Variants in PARD3B observed in about 807,000 individuals in gnomAD.
The protein encoded by PARD3B is partitioning defective 3 homolog B.
PARD3B carries 103 observed loss-of-function variants against 130.2 expected under a neutral mutation model. That is an observed-to-expected ratio of 0.79 (90% CI 0.67 to 0.93). The LOEUF (loss-of-function observed/expected upper bound fraction) is 0.93, where lower values mean the gene tolerates loss of function less well. PARD3B is among the 40% of genes least tolerant of loss of function. The pLI, the probability that PARD3B is intolerant of heterozygous loss-of-function variation, is 0.00. For missense variants in PARD3B, 1,609 were observed against 1,499.2 expected, an observed-to-expected ratio of 1.07 and a Z score of -1.21; for synonymous variants, 583 against 553.2, an observed-to-expected ratio of 1.05 and a Z score of -0.76.
At chr2:204,782,264 T>TC (rs1176594911) in intron 2 of PARD3B, among the ~76,000 whole-genome samples, 3 of 152,032 alleles carry the variant, frequency 2.0e-5, no homozygotes, top group East Asian at 3.9e-4. Context: ...TGAGAGAATG[T>TC]TTTTTATATC....
At chr2:204,702,032 A>G (rs2037918950) in intron 2 of PARD3B, among the ~76,000 whole-genome samples, 1 of 152,194 alleles carries the variant, frequency 6.6e-6, no homozygotes, top group South Asian at 2.1e-4. Context: ...ACTTAGGATA[A>G]TGGCCTCCAG....
intron 19 of PARD3B, among the ~76,000 whole-genome samples, chr2:205,420,882 G>A (rs2046945473): frequency 6.6e-6 from 1 of 152,126 alleles, no homozygotes; most frequent in Non-Finnish European, 1.5e-5. Flanking sequence ...TGTGGCTCAC[G>A]CTGTAATCCC....
At chr2:204,997,164 C>G (rs188525324) in intron 3 of PARD3B, among the ~76,000 whole-genome samples, 6 of 152,274 alleles carry the variant, frequency 3.9e-5, no homozygotes, top group Middle Eastern at 3.4e-3. Flanking sequence ...TATAATACTC[C>G]GTGATATCTG....
chr2:205,168,754 T>A (rs2034980055), intron 11 of PARD3B, among the ~76,000 whole-genome samples: 2 of 152,090 alleles, frequency 1.3e-5, no homozygotes, highest in Admixed American at 1.3e-4. Context: ...TGATTTTATA[T>A]TGTCTTCCCT....
At chr2:204,779,931 A>C (rs1368863173) in intron 2 of PARD3B, among the ~76,000 whole-genome samples, 7 of 152,202 alleles carry the variant, frequency 4.6e-5, no homozygotes, top group Non-Finnish European at 1.0e-4. Flanking sequence ...GGTAGAGAGG[A>C]AAATGGTGCA....
In PARD3B at chr2:205,269,721, C is replaced by CA. The variant is rs1466247087; in HGVS notation, c.2185+23904dup. ...TAGTAAGAAAATTCACTTGCAAAAA[C>CA]AAAAATTAAGATCTGAAGAGTACTT... On this transcript the variant is annotated intron_variant, in intron 16 of 22. Transcript: ENST00000406610. The surrounding 1 kb of genome is among the most constrained non-coding windows in gnomAD (Gnocchi z 4.7). Among the ~76,000 whole-genome samples the CA allele has an allele frequency of 6.6e-6, 1 of 152,032 alleles. No homozygotes were observed. The highest frequency in any genetic ancestry group is 1.5e-5 in the Non-Finnish European group (1 of 67,972).
chr2:205,035,828 T>TATATATATATATATATATATAGTGGG (rs1559374303), intron 3 of PARD3B, among the ~76,000 whole-genome samples: 3 of 7,976 alleles, frequency 3.8e-4, no homozygotes, highest in African/African-American at 1.2e-3. Flanking sequence ...TATCTATATA[T>TATATATATATATATATATATAGTGGG]CTATATATAT....
chr2:205,185,316 A>G (rs187171466), intron 13 of PARD3B, among the ~76,000 whole-genome samples: 1 of 152,262 alleles, frequency 6.6e-6, no homozygotes, highest in Admixed American at 6.5e-5. Flanking sequence ...GTGGACAGAT[A>G]TACTATATCG....
At chr2:205,548,964 A>C (rs2052498375) in intron 21 of PARD3B, among the ~76,000 whole-genome samples, 1 of 152,142 alleles carries the variant, frequency 6.6e-6, no homozygotes, top group Non-Finnish European at 1.5e-5. Context: ...ACCTCAATGG[A>C]TCCCTCACCA....
At chr2:205,141,407 T>C (rs550935679) in intron 10 of PARD3B, among the ~76,000 whole-genome samples, 15 of 152,358 alleles carry the variant, frequency 9.8e-5, no homozygotes, top group African/African-American at 3.6e-4. Flanking sequence ...GTTTAGATGT[T>C]GATGTAGACA....
At chr2:204,581,339 CCTT>C (rs2032543052) in intron 1 of PARD3B, among the ~76,000 whole-genome samples, 1 of 152,128 alleles carries the variant, frequency 6.6e-6, no homozygotes, top group Non-Finnish European at 1.5e-5. Context: ...TCTTTTTCTA[CCTT>C]CTTTCTTTTT....
intron 18 of PARD3B, among the ~76,000 whole-genome samples, chr2:205,394,796 T>A (rs1454012195): frequency 6.6e-6 from 1 of 152,134 alleles, no homozygotes; most frequent in Non-Finnish European, 1.5e-5. Context: ...AATAGCCAAA[T>A]TCATAGAGAA....
chr2:205,596,477 G>A lies in PARD3B; in HGVS notation c.3261-18979G>A, dbSNP rs576145890. The stretch of plus-strand genomic sequence containing the variant: ...GGGCCAACAGCAGATACTTGTGTAT[G>A]CCTACCAGGCCCAGCTTGGGGCTTT... On this transcript the variant is annotated intron_variant, in intron 22 of 22. Coordinates refer to ENST00000406610, the MANE Select transcript of PARD3B (RefSeq NM_001302769.2). Among the ~76,000 whole-genome samples, 6 of 152,304 alleles carry A rather than the reference G, an allele frequency of 3.9e-5. No homozygotes were observed. The East Asian group carries it at 1.2e-3, about 29-fold the overall frequency.
In PARD3B at chr2:205,021,594, T is replaced by TTCTC. The variant is rs372636581; in HGVS notation, c.395-25964_395-25961dup. Among the ~76,000 whole-genome samples, 260 of 144,864 alleles carry TTCTC rather than the reference T, an allele frequency of 1.8e-3. No individual in the cohort carries two copies. Among genetic ancestry groups the TTCTC allele is most frequent in the Non-Finnish European group, 2.9e-3 (193 of 66,026 alleles). The stretch of plus-strand genomic sequence containing the variant: ...TATGCTCTCTTCTCTCTCTCTTCTC[T>TTCTC]TCTCTCTCTCTCTCTCTCTCTCTCT... On this transcript the variant is annotated intron_variant, in intron 3 of 22. Coordinates refer to ENST00000406610, the MANE Select transcript of PARD3B (RefSeq NM_001302769.2). The surrounding 1 kb of genome is among the most constrained non-coding windows in gnomAD (Gnocchi z 4.5).
At chr2:204,614,656 A>G (rs1441710591) in intron 1 of PARD3B, among the ~76,000 whole-genome samples, 1 of 152,110 alleles carries the variant, frequency 6.6e-6, no homozygotes, top group Non-Finnish European at 1.5e-5. Flanking sequence ...GGGGATATTT[A>G]AATCATGGGG....
intron 21 of PARD3B, among the ~76,000 whole-genome samples, chr2:205,527,455 C>T (rs1021299411): frequency 2.0e-5 from 3 of 152,168 alleles, no homozygotes; most frequent in East Asian, 1.9e-4. Context: ...GACTATGGTT[C>T]GAGGTTGATG....
chr2:205,477,555 G>C (rs2049068238), intron 20 of PARD3B, among the ~76,000 whole-genome samples: 2 of 152,006 alleles, frequency 1.3e-5, no homozygotes, highest in Non-Finnish European at 2.9e-5. Context: ...CATGCTGGAG[G>C]TAAACAGACG....
rs1346665629 is a variant in PARD3B at position 205,584,813 on chromosome 2, G to T, written c.3261-30643G>T. 2.0e-5 allele frequency among the ~76,000 whole-genome samples: 3 copies of T among 152,206 alleles called. No individual in the cohort carries two copies. Among genetic ancestry groups the T allele is most frequent in the Admixed American group, 6.5e-5 (1 of 15,278 alleles). On this transcript the variant is annotated intron_variant, in intron 22 of 22. Coordinates refer to ENST00000406610, the MANE Select transcript of PARD3B (RefSeq NM_001302769.2). The surrounding 1 kb of genome is among the most constrained non-coding windows in gnomAD (Gnocchi z 5.5). ...ATGGTAGCTTCTGTTGAACCACCCT[G>T]CTGAAAGTTTGAAGAGCTCATGTTC...
chr2:205,520,670 A>G (rs2051004259), intron 21 of PARD3B, among the ~76,000 whole-genome samples: 3 of 151,950 alleles, frequency 2.0e-5, no homozygotes, highest in Non-Finnish European at 4.4e-5. Flanking sequence ...TATGCTTTGG[A>G]GTATTTTCTT....
Sources: allele counts gnomAD v4.1 joint callset (sites outside exome capture counted in the v4.1 genomes callset), GRCh38; gene constraint gnomAD v4.1.1; non-coding constraint Gnocchi (gnomAD v3.1); transcripts MANE v1.5; gene names NCBI Gene and HGNC (gene_info 2026-07-23, HGNC 2026-07-21).